Variants in KLHL8 observed in about 807,000 individuals in gnomAD.
KLHL8 encodes the protein kelch like family member 8, also known as kelch-like protein 8.
A neutral mutation model predicts 63.5 loss-of-function variants in KLHL8; 38 were observed. That is an observed-to-expected ratio of 0.60 (90% CI 0.46 to 0.78). The LOEUF (loss-of-function observed/expected upper bound fraction) is 0.78, where lower values mean the gene tolerates loss of function less well. KLHL8 is among the 30% of genes least tolerant of loss of function. KLHL8 has a pLI of 0.00. For synonymous variants in KLHL8, 224 were observed against 254.3 expected (o/e 0.88, Z 1.13); for missense variants, 566 against 752.4 (o/e 0.75, Z 2.90).
intron 5 of KLHL8, 89 bp downstream of exon 5, chr4:87,178,387 AT>A: frequency 2.3e-6 from 3 of 1,316,270 alleles, no homozygotes; most frequent in Non-Finnish European, 2.1e-6. Context: ...CAATTTAGTC[AT>A]TTTCTTATAT....
At chr4:87,237,701 C>T (rs889477713) in intron 1 of KLHL8, among the ~76,000 whole-genome samples, 2 of 152,076 alleles carry the variant, frequency 1.3e-5, no homozygotes, top group Non-Finnish European at 2.9e-5. Context: ...GTGGCATGCA[C>T]CTGTGGTCCC....
At chr4:87,207,353 C>T (rs1732172654) in intron 1 of KLHL8, 2 of 642,696 alleles carry the variant, frequency 3.1e-6, no homozygotes, top group Non-Finnish European at 5.7e-6. Context: ...TGGGGCAATG[C>T]TGACGCTGAG....
upstream of KLHL8, among the ~76,000 whole-genome samples, chr4:87,222,666 C>G (rs12505408): frequency 6.6e-6 from 1 of 151,944 alleles, no homozygotes; most frequent in Non-Finnish European, 1.5e-5. Context: ...TCACTGCAAC[C>G]TCCACCTCCC....
At chr4:87,175,085 T>A (rs1730772739) in intron 6 of KLHL8, among the ~76,000 whole-genome samples, 1 of 152,228 alleles carries the variant, frequency 6.6e-6, no homozygotes, top group Admixed American at 6.5e-5. Context: ...TTTATTACAA[T>A]CCATTTTTGT....
intron 1 of KLHL8, among the ~76,000 whole-genome samples, chr4:87,215,546 A>G (rs891366524): frequency 4.6e-5 from 7 of 152,220 alleles, no homozygotes; most frequent in Non-Finnish European, 7.3e-5. Flanking sequence ...TTCATTCACA[A>G]GTTTGTTTAG....
chr4:87,202,930 C>G (rs948621468), intron 1 of KLHL8, among the ~76,000 whole-genome samples: 3 of 152,024 alleles, frequency 2.0e-5, no homozygotes, highest in African/African-American at 7.2e-5. Context: ...CAAATATAAT[C>G]CAGCAAAATA....
At chr4:87,163,823 A>C (rs1730270027) in intron 9 of KLHL8, 55 bp downstream of exon 9, 2 of 1,561,480 alleles carry the variant, frequency 1.3e-6, no homozygotes, top group Admixed American at 1.7e-5. Flanking sequence ...ACTCTGAAGT[A>C]ATCTACTATT....
chr4:87,185,895 A>G, intron 2 of KLHL8, 96 bp from the exon 3 acceptor site: 1 of 1,015,930 alleles, frequency 9.8e-7, no homozygotes, highest in Non-Finnish European at 1.4e-6. Flanking sequence ...AAATTTCCAG[A>G]CAAATTTAGA....
chr4:87,175,726 T>C (rs377488074), intron 6 of KLHL8, among the ~76,000 whole-genome samples: 13 of 152,324 alleles, frequency 8.5e-5, no homozygotes, highest in African/African-American at 2.6e-4. Context: ...TTAATCAGCA[T>C]ATATTCCAGT....
In KLHL8 at chr4:87,164,176, C is replaced by A. The variant is rs939151935; in HGVS notation, c.1538-97G>T. ...CTTTTACAACCCAATCTTTTAAAAT[C>A]ATTTTAGAATGGTTTAGAGAAAATT... On this transcript the variant is annotated intron_variant, in intron 8 of 9. Coordinates refer to ENST00000273963, the MANE Select transcript of KLHL8 (RefSeq NM_020803.5). 45 of 1,155,136 alleles carry A rather than the reference C, an allele frequency of 3.9e-5. No homozygotes were observed. In the African/African-American group the frequency reaches 3.9e-4, roughly 10 times the overall value. 71.6% of individuals were successfully genotyped at this position (1,155,136 alleles called of 1,614,324 possible).
intron 1 of KLHL8, among the ~76,000 whole-genome samples, chr4:87,206,661 G>T (rs564003733): frequency 1.6e-4 from 24 of 152,286 alleles, no homozygotes; most frequent in African/African-American, 5.8e-4. Flanking sequence ...CTATATCACA[G>T]ATTTAATTAT....
intron 8 of KLHL8, among the ~76,000 whole-genome samples, chr4:87,168,509 G>C (rs1461534604): frequency 2.0e-5 from 3 of 151,978 alleles, no homozygotes; most frequent in East Asian, 3.9e-4. Context: ...CTTCTTTAAT[G>C]GGGGGAGGTG....
rs1230067794 is a variant in KLHL8 at position 87,226,767 on chromosome 4, AATATAT to A, written n.58-5383_58-5378del. Among the ~76,000 whole-genome samples the A allele has an allele frequency of 4.0e-4, 9 of 22,298 alleles. 4 individuals are homozygous for A. The highest frequency in any genetic ancestry group is 2.0e-3 in the African/African-American group (7 of 3,526). 14.6% of individuals were successfully genotyped at this position (22,298 alleles called of 152,430 possible). A position where few individuals can be genotyped will look rare whatever the true frequency, so the allele number is the denominator to read the frequency against. ...TATATAATATATATTATTTATATATAATATATATTATATATATAATATATATTATAT... is the reference window on the plus strand; with the variant it reads ...TATATAATATATATTATTTATATATAATTATATATATAATATATATTATAT... On this transcript the variant is annotated intron_variant and non_coding_transcript_variant, in intron 1 of 1. Transcript: ENST00000506274.
intron 1 of KLHL8, among the ~76,000 whole-genome samples, chr4:87,209,183 A>T (rs1039354523): frequency 5.9e-5 from 9 of 151,882 alleles, no homozygotes; most frequent in Admixed American, 4.6e-4. Flanking sequence ...AACAATCAGA[A>T]TTTTTTTAAA....
chr4:87,236,050 G>T (rs1036967036), intron 1 of KLHL8, among the ~76,000 whole-genome samples: 2 of 152,176 alleles, frequency 1.3e-5, no homozygotes, highest in African/African-American at 2.4e-5. Context: ...CAAAAAAAGC[G>T]AATGAAATGG....
rs767779181 is a variant in KLHL8 at position 87,176,826 on chromosome 4, A to T, written c.1139T>A (p.Leu380Ter). Residue 380 changes from leucine to a stop codon, truncating the protein, a stop_gained, in exon 6 of 10, where the codon TTA (leucine) becomes TAA (stop). Coordinates refer to ENST00000273963, the MANE Select transcript of KLHL8 (RefSeq NM_020803.5). LOFTEE classifies it high-confidence loss of function. The part of the protein sequence containing the change: ...AVGGHDGNEH[L>*]GSMEMFDPLT... ...AGGATCAAACATCTCCATACTCCCT[A>T]AATGTTCATTTCCATCATGTCCACC... 1.3e-5 allele frequency: 21 copies of T among 1,608,180 alleles called. No homozygotes were observed. The highest frequency in any genetic ancestry group is 1.7e-5 in the Non-Finnish European group (20 of 1,177,532).
chr4:87,227,656 ATAAC>A (rs1157851068), intron 1 of KLHL8, among the ~76,000 whole-genome samples: 3 of 152,148 alleles, frequency 2.0e-5, no homozygotes, highest in African/African-American at 7.2e-5. Context: ...GTCTAAATAA[ATAAC>A]TAAGTTATTT....
chr4:87,222,944 T>G (rs1732911618), upstream of KLHL8, among the ~76,000 whole-genome samples: 1 of 152,006 alleles, frequency 6.6e-6, no homozygotes. Context: ...GCCTAAGCTT[T>G]TATTTTATTT....
chr4:87,226,282 G>C (rs1308676121), intron 1 of KLHL8, among the ~76,000 whole-genome samples: 1 of 151,992 alleles, frequency 6.6e-6, no homozygotes, highest in Non-Finnish European at 1.5e-5. Context: ...TCTATATTAG[G>C]CCAGGCGCGA....
Sources: gnomAD v4.1 joint callset for allele counts (sites outside exome capture counted in the v4.1 genomes callset) on GRCh38, gnomAD v4.1.1 for gene constraint, MANE v1.5 for transcripts, NCBI Gene and HGNC (gene_info 2026-07-23, HGNC 2026-07-21) for gene names.